Variants in DLG2 observed in about 807,000 individuals in gnomAD.
DLG2 encodes discs large MAGUK scaffold protein 2.
Under a neutral mutation model 132.5 loss-of-function variants are expected in DLG2, and 45 were observed. The ratio of observed to expected loss-of-function variants is 0.34; its 90% CI spans 0.27 to 0.44. The LOEUF (loss-of-function observed/expected upper bound fraction) is 0.44, where lower values mean the gene tolerates loss of function less well. Ranked by LOEUF, DLG2 falls within the 20% of genes least tolerant of loss-of-function variation. The probability of loss-of-function intolerance (pLI) is 1.00; values close to 1 mark genes in which losing one functional copy is unlikely to be tolerated. For missense variants in DLG2, 1,045 were observed against 1,196.9 expected, an observed-to-expected ratio of 0.87 and a Z score of 1.87; for synonymous variants, 424 against 419.6, an observed-to-expected ratio of 1.01 and a Z score of -0.13.
At chr11:84,350,013 T>C (rs1286022043) in intron 7 of DLG2, among the ~76,000 whole-genome samples, 1 of 151,824 alleles carries the variant, frequency 6.6e-6, no homozygotes, top group Non-Finnish European at 1.5e-5. Context: ...CCGTCTCTAC[T>C]AAAAATACAA....
intron 6 of DLG2, among the ~76,000 whole-genome samples, chr11:84,860,986 T>A (rs1454800911): frequency 6.6e-6 from 1 of 152,138 alleles, no homozygotes; most frequent in East Asian, 1.9e-4. Context: ...CTACTATGTG[T>A]TCATACACTA....
At chr11:84,026,075 T>C (rs562748139) in intron 11 of DLG2, among the ~76,000 whole-genome samples, 2 of 152,074 alleles carry the variant, frequency 1.3e-5, no homozygotes, top group Non-Finnish European at 2.9e-5. Context: ...AGATGTATGA[T>C]GGTATGCTGA....
intron 7 of DLG2, among the ~76,000 whole-genome samples, chr11:84,524,703 G>C (rs539373309): frequency 2.0e-4 from 31 of 152,136 alleles, no homozygotes; most frequent in African/African-American, 7.2e-4. Flanking sequence ...AAAGATTATT[G>C]CCTAAAATAT....
chr11:85,505,745 G>T (rs2093915732), intron 3 of DLG2, among the ~76,000 whole-genome samples: 1 of 152,178 alleles, frequency 6.6e-6, no homozygotes, highest in African/African-American at 2.4e-5. Flanking sequence ...AAATGAGTTA[G>T]GGAGGATTCC....
chr11:84,360,008 T>TA (rs1172880720), intron 7 of DLG2, among the ~76,000 whole-genome samples: 7 of 151,800 alleles, frequency 4.6e-5, no homozygotes, highest in African/African-American at 1.7e-4. Flanking sequence ...ATTGGTAGCT[T>TA]AGTAATGCAA....
chr11:83,642,109 T>C (rs1295566573), intron 18 of DLG2, among the ~76,000 whole-genome samples: 1 of 152,212 alleles, frequency 6.6e-6, no homozygotes, highest in African/African-American at 2.4e-5. Context: ...TGACCATTAA[T>C]AACTCAGTTA....
chr11:84,818,982 C>T (rs1598831203), intron 6 of DLG2, among the ~76,000 whole-genome samples: 1 of 151,200 alleles, frequency 6.6e-6, no homozygotes. Flanking sequence ...TGGGCAGAAG[C>T]TAATACATTT....
In DLG2 at chr11:85,552,963, A is replaced by G. The variant is rs777032123; in HGVS notation, c.40+45694T>C. ...AAAAGAAATCCACACTGGATACATC[A>G]TTGAGAAACTTCAGATAATTAAAGA... On this transcript the variant is annotated intron_variant, in intron 3 of 27. Coordinates refer to ENST00000376104, the MANE Select transcript of DLG2 (RefSeq NM_001142699.3). Among the ~76,000 whole-genome samples the G allele has an allele frequency of 9.9e-5, 15 of 151,774 alleles. 1 individual carries two copies. The highest frequency in any genetic ancestry group is 1.8e-4 in the Non-Finnish European group (12 of 67,778).
At chr11:84,206,851 A>C (rs947374719) in intron 8 of DLG2, among the ~76,000 whole-genome samples, 2 of 152,022 alleles carry the variant, frequency 1.3e-5, no homozygotes, top group Admixed American at 1.3e-4. Flanking sequence ...TTATATGTAG[A>C]AACCTCCCCC....
At chr11:84,285,975 A>G (rs1384086728) in intron 7 of DLG2, among the ~76,000 whole-genome samples, 2 of 152,168 alleles carry the variant, frequency 1.3e-5, no homozygotes, top group African/African-American at 2.4e-5. Flanking sequence ...CCCTATTTCT[A>G]AATTGAGGTA....
chr11:84,796,531 G>C (rs145401585), intron 6 of DLG2, among the ~76,000 whole-genome samples: 2 of 152,212 alleles, frequency 1.3e-5, no homozygotes, highest in Middle Eastern at 3.4e-3. Flanking sequence ...ATTAACATCC[G>C]TTTCCTTCAG....
intron 6 of DLG2, among the ~76,000 whole-genome samples, chr11:85,006,083 C>A (rs1167747689): frequency 6.6e-6 from 1 of 152,126 alleles, no homozygotes; most frequent in Non-Finnish European, 1.5e-5. Context: ...CCAACTTGAT[C>A]TTGGTGGATA....
At chr11:84,672,436 C>T (rs777531268) in intron 6 of DLG2, among the ~76,000 whole-genome samples, 7 of 152,080 alleles carry the variant, frequency 4.6e-5, no homozygotes, top group South Asian at 2.1e-4. Context: ...AAAGCATATA[C>T]AGAAAGTCTA....
chr11:83,472,735 C>T lies in DLG2; in HGVS notation c.2336G>A (p.Arg779Lys). 1 of 1,611,430 alleles carries T rather than the reference C, an allele frequency of 6.2e-7. No homozygotes were observed. The highest frequency in any genetic ancestry group is 8.5e-7 in the Non-Finnish European group (1 of 1,178,716). The change falls in exon 23 of 28, where the codon AGG (arginine) becomes AAG (lysine). Residue 779 changes from arginine to lysine, a missense_variant. Physicochemically the swap from Arg to Lys is conservative, Grantham distance 26. This residue lies in a region of DLG2 where 398 missense variants were observed against 543.6 expected (regional missense o/e 0.73). Transcript: ENST00000376104. Reference protein sequence around the residue: ...DLILSYEPVTRQEINYTRPVI... With the variant: ...DLILSYEPVTKQEINYTRPVI... ...CGTGCTGGGAAACTTACTTTCCTGC[C>T]TTGTAACAGGCTCATAGGAAAGAAT...
intron 6 of DLG2, among the ~76,000 whole-genome samples, chr11:84,813,891 C>T (rs1389022414): frequency 2.0e-5 from 3 of 152,042 alleles, no homozygotes; most frequent in Non-Finnish European, 4.4e-5. Context: ...TGGAAAGAGA[C>T]TAACTTTTCT....
chr11:84,683,412 A>G (rs2099735259), intron 6 of DLG2, among the ~76,000 whole-genome samples: 1 of 152,204 alleles, frequency 6.6e-6, no homozygotes, highest in African/African-American at 2.4e-5. Flanking sequence ...TCACTGCTTT[A>G]GAAATAAGCA....
chr11:85,270,603 A>G (rs1281615221), intron 4 of DLG2, among the ~76,000 whole-genome samples: 1 of 152,058 alleles, frequency 6.6e-6, no homozygotes, highest in African/African-American at 2.4e-5. Context: ...AAAGTTTGGA[A>G]CTCCCTAGAG....
At chr11:85,121,396 T>TTA (rs143276674) in intron 5 of DLG2, among the ~76,000 whole-genome samples, 7 of 150,710 alleles carry the variant, frequency 4.6e-5, no homozygotes, top group Non-Finnish European at 7.4e-5. Context: ...GATAAATATG[T>TTA]TATATATATA....
intron 18 of DLG2, among the ~76,000 whole-genome samples, chr11:83,764,700 G>A (rs968469943): frequency 1.3e-5 from 2 of 152,176 alleles, no homozygotes; most frequent in African/African-American, 4.8e-5. Flanking sequence ...GCCTTTCCCA[G>A]GGTCTCACAG....
Sources: gnomAD v4.1 joint callset for allele counts (sites outside exome capture counted in the v4.1 genomes callset) on GRCh38, gnomAD v4.1.1 for gene constraint, gnomAD v4.1.1 regional missense constraint, MANE v1.5 for transcripts, NCBI Gene and HGNC (gene_info 2026-07-23, HGNC 2026-07-21) for gene names.